Variants in FRY observed in about 807,000 individuals in gnomAD.
FRY encodes FRY microtubule binding protein.
In FRY, 128 loss-of-function variants were observed where a neutral mutation model predicts 348.4. The ratio of observed to expected loss-of-function variants is 0.37; its 90% confidence interval spans 0.32 to 0.43. The LOEUF (loss-of-function observed/expected upper bound fraction) is 0.43. Among genes scored for constraint, FRY ranks in the 20% least tolerant of loss-of-function variants. FRY has a pLI of 1.00. For synonymous variants in FRY, 1,370 were observed against 1,374.7 expected, an observed-to-expected ratio of 1.00 and a Z score of 0.08; for missense variants, 2,736 against 3,695.2, an observed-to-expected ratio of 0.74 and a Z score of 6.73.
At chr13:32,263,334 A>G (rs1325460228) in intron 53 of FRY, among the ~76,000 whole-genome samples, 1 of 152,350 alleles carries the variant, frequency 6.6e-6, no homozygotes, top group Non-Finnish European at 1.5e-5. Flanking sequence ...TGGCTATTCT[A>G]TATTCTCTGA....
chr13:32,236,051 AAAAT>A, intron 42 of FRY, 23 bp from the exon 43 acceptor site: 1 of 1,486,204 alleles, frequency 6.7e-7, no homozygotes, highest in Non-Finnish European at 9.4e-7. Context: ...CAAGCAATAC[AAAAT>A]GCTATCTTTG....
rs545407879 is a variant in FRY at position 32,262,342 on chromosome 13, C to T, written c.7646C>T (p.Thr2549Met). 20 of 1,613,820 alleles carry T rather than the reference C, an allele frequency of 1.2e-5. No homozygotes were observed. Among genetic ancestry groups the T allele is most frequent in the East Asian group, 1.1e-4 (5 of 44,864 alleles). ...ATGACTCTCTCCCCCTCTGAAGAGA[C>T]GAATCCCATGGAGCTGCTCACCACA... ...LIMTLSPSEE[T>M]NPMELLTTAC... The change falls in exon 53 of 61, where the codon ACG (threonine) becomes ATG (methionine). Residue 2549 changes from threonine to methionine, a missense_variant. Around this residue, in one of 9 missense-constraint regions of FRY, gnomAD observed 789 missense variants for 996.2 expected, o/e 0.79. Transcript: ENST00000542859.
chr13:32,224,938 A>G lies in FRY; in HGVS notation c.4922A>G (p.Asn1641Ser), dbSNP rs1407666950. The G allele has an allele frequency of 1.3e-6, 2 of 1,584,560 alleles. No individual in the cohort carries two copies. The highest frequency in any genetic ancestry group is 1.1e-5 in the South Asian group (1 of 90,492). Reference protein sequence around the residue: ...ITPRGPLHRCNIAVIFMTEMV... With the variant: ...ITPRGPLHRCSIAVIFMTEMV... ...TTCATTATTTCATTGATTAGGTGCA[A>G]TATTGCTGTAATTTTTATGACTGAA... Residue 1641 changes from asparagine (N) to serine (S), a missense_variant, in exon 38 of 61, where the codon AAT (asparagine) becomes AGT (serine). Transcript: ENST00000542859.
chr13:32,139,071 T>C (rs1462240708), intron 11 of FRY, among the ~76,000 whole-genome samples: 1 of 152,144 alleles, frequency 6.6e-6, no homozygotes, highest in Non-Finnish European at 1.5e-5. Context: ...CTTGATAAGA[T>C]AAAAATGAAA....
At chr13:32,172,134 G>T (rs1341309405) in intron 18 of FRY, among the ~76,000 whole-genome samples, 2 of 151,872 alleles carry the variant, frequency 1.3e-5, no homozygotes, top group African/African-American at 4.8e-5. Flanking sequence ...GGATGTAGAT[G>T]TGGATATAGA....
chr13:32,289,707 C>T lies in FRY; in HGVS notation c.8544C>T (p.Leu2848=), dbSNP rs1378456590. ...TGCTTTTTCAGTCCTACTGTAAGCT[C>T]ATCGGCCAGGTGCACGAAGTTAGCT... is the stretch of plus-strand genomic sequence containing the variant. ...LLLLFQSYCK[L]IGQVHEVSSM... is the part of the protein sequence containing the mutation. The change falls in exon 59 of 61, where the codon CTC becomes CTT. Residue 2848 remains leucine, a synonymous_variant. Coordinates refer to ENST00000542859, the MANE Select transcript of FRY (RefSeq NM_023037.3). 1 of 1,612,272 alleles carries T rather than the reference C, an allele frequency of 6.2e-7. No homozygotes were observed. Among genetic ancestry groups the T allele is most frequent in the South Asian group, 1.1e-5 (1 of 91,042 alleles).
At chr13:32,222,061 G>T (rs1414824130) in intron 36 of FRY, among the ~76,000 whole-genome samples, 1 of 151,968 alleles carries the variant, frequency 6.6e-6, no homozygotes, top group African/African-American at 2.4e-5. Flanking sequence ...TGGGGTTGGG[G>T]GTCAATTTAC....
intron 35 of FRY, 43 bp downstream of exon 35, chr13:32,212,425 C>A: frequency 1.8e-6 from 2 of 1,131,870 alleles, no homozygotes; most frequent in Non-Finnish European, 2.6e-6. Context: ...TAATGTTCTG[C>A]AATAATCTAT....
At chr13:32,151,045 G>A (rs1880758582) in intron 14 of FRY, among the ~76,000 whole-genome samples, 2 of 152,334 alleles carry the variant, frequency 1.3e-5, no homozygotes, top group South Asian at 2.1e-4. Context: ...GAGGCCCAGA[G>A]CTGTACAGTG....
chr13:32,275,006 C>T lies in FRY; in HGVS notation c.8286+15C>T. On this transcript the variant is annotated intron_variant, in intron 56 of 60. Coordinates refer to ENST00000542859, the MANE Select transcript of FRY (RefSeq NM_023037.3). ...ATGCCGAGACTGTGAGTATCCCAGT[C>T]CTGCTCTGACAGTGAAGGGCCTACG... is the stretch of plus-strand genomic sequence containing the variant. 1 of 1,610,044 alleles carries T rather than the reference C, an allele frequency of 6.2e-7. No homozygotes were observed. Among genetic ancestry groups the T allele is most frequent in the Non-Finnish European group, 8.5e-7 (1 of 1,176,464 alleles).
intron 31 of FRY, among the ~76,000 whole-genome samples, chr13:32,203,989 A>C (rs1016062843): frequency 6.6e-6 from 1 of 152,246 alleles, no homozygotes; most frequent in African/African-American, 2.4e-5. Context: ...TGTCCTAAAA[A>C]TAGCTGATAA....
intron 17 of FRY, among the ~76,000 whole-genome samples, chr13:32,167,198 G>T (rs1483541678): frequency 1.3e-5 from 2 of 152,188 alleles, no homozygotes; most frequent in Admixed American, 6.5e-5. Context: ...CTGGTTTCAT[G>T]ATTATATTGG....
In FRY at chr13:32,295,747, C is replaced by T. The variant is rs1038155420; in HGVS notation, c.*287C>T. 1.8e-5 allele frequency: 9 copies of T among 511,854 alleles called. No individual in the cohort carries two copies. Among genetic ancestry groups the T allele is most frequent in the South Asian group, 4.6e-5 (2 of 43,314 alleles). The allele number at this position is 511,854 out of a possible 1,614,324, so 31.7% of individuals were successfully genotyped here. The stretch of plus-strand genomic sequence containing the variant: ...AACTCGCTACTGAAGAAGTGACTTC[C>T]GTTGCATACCAAAGCCGACTACACT... On this transcript the variant is annotated 3_prime_UTR_variant, in exon 61 of 61. Coordinates refer to ENST00000542859, the MANE Select transcript of FRY (RefSeq NM_023037.3).
At chr13:32,213,156 T>C (rs1884780020) in intron 35 of FRY, among the ~76,000 whole-genome samples, 1 of 152,180 alleles carries the variant, frequency 6.6e-6, no homozygotes, top group South Asian at 2.1e-4. Context: ...ATATTAAAGG[T>C]AATTTAGGGG....
Position 32,078,826 on chromosome 13 carries a change from T to C in FRY, c.71-8T>C. 4 of 1,610,832 alleles carry C rather than the reference T, an allele frequency of 2.5e-6. No individual in the cohort carries two copies. In the South Asian group the frequency reaches 4.4e-5, roughly 18 times the overall value. On this transcript the variant is annotated splice_polypyrimidine_tract_variant and splice_region_variant and intron_variant, in intron 1 of 60. Coordinates refer to ENST00000542859, the MANE Select transcript of FRY (RefSeq NM_023037.3). ...TCAGCCAGTAAGAATGCCCATTCTG[T>C]TTTTCAGCTTCTCCCGTTGGCAACG... is the stretch of plus-strand genomic sequence containing the variant.
chr13:32,090,960 T>TA (rs1374725503), intron 2 of FRY, among the ~76,000 whole-genome samples: 1 of 152,214 alleles, frequency 6.6e-6, no homozygotes, highest in Non-Finnish European at 1.5e-5. Context: ...CTTCCAGATT[T>TA]ACATCTGCCT....
chr13:32,202,644 T>G, intron 31 of FRY, 117 bp downstream of exon 31: 1 of 979,542 alleles, frequency 1.0e-6, no homozygotes, highest in Non-Finnish European at 1.6e-6. Context: ...TCTTTTTAAA[T>G]TCTAGTTTAA....
chr13:32,245,818 C>A (rs1566164756), intron 47 of FRY, among the ~76,000 whole-genome samples: 1 of 152,154 alleles, frequency 6.6e-6, no homozygotes, highest in Non-Finnish European at 1.5e-5. Context: ...TTGTCTATTT[C>A]TTCTCTGGAA....
intron 55 of FRY, among the ~76,000 whole-genome samples, chr13:32,273,910 T>C (rs1375673009): frequency 1.3e-5 from 2 of 152,008 alleles, no homozygotes; most frequent in Admixed American, 6.6e-5. Context: ...AATCCAAAAA[T>C]CCAAAATGCT....
Sources: allele counts gnomAD v4.1 joint callset (sites outside exome capture counted in the v4.1 genomes callset), GRCh38; gene constraint gnomAD v4.1.1; regional missense constraint gnomAD v4.1.1; transcripts MANE v1.5; gene names NCBI Gene and HGNC (gene_info 2026-07-23, HGNC 2026-07-21).